ARHGEF10: variants seen among roughly 807,000 people sequenced by gnomAD.
The protein encoded by ARHGEF10 is Rho guanine nucleotide exchange factor 10.
A neutral mutation model predicts 147.4 loss-of-function variants in ARHGEF10; 140 were observed. That is an observed-to-expected ratio of 0.95 (90% CI 0.83 to 1.09). ARHGEF10 has a LOEUF of 1.09. Ranked by LOEUF, ARHGEF10 falls within the 50% of genes least tolerant of loss-of-function variation. The pLI is 0.00. For missense variants in ARHGEF10, 2,222 were observed against 1,752.7 expected (o/e 1.27, Z -4.78); for synonymous variants, 902 against 695.8 (o/e 1.30, Z -4.67).
rs546834310 is a variant in ARHGEF10, at chr8:1,948,803, A to T, written c.3397+3148A>T. Among the ~76,000 whole-genome samples the T allele has an allele frequency of 1.3e-5, 2 of 152,304 alleles. No homozygotes were observed. Among genetic ancestry groups the T allele is most frequent in the South Asian group, 4.1e-4 (2 of 4,824 alleles). ...ATAGAAATAAGCATTATTGCATTTC[A>T]TGCTGTATTTAGACATTCCGGTGGG... is the stretch of plus-strand genomic sequence containing the variant. On this transcript the variant is annotated intron_variant, in intron 27 of 28. Transcript: ENST00000349830. The surrounding 1 kb of genome is among the most constrained non-coding windows in gnomAD (Gnocchi z 4.9).
chr8:1,831,438 G>A (rs1197954368), intron 1 of ARHGEF10, among the ~76,000 whole-genome samples: 2 of 141,096 alleles, frequency 1.4e-5, no homozygotes, highest in Admixed American at 7.0e-5. Context: ...TGTGACATCT[G>A]TGGAGGGACA....
intron 7 of ARHGEF10, chr8:1,870,937 AC>A (rs1421925634): frequency 1.3e-5 from 2 of 151,924 alleles, no homozygotes; most frequent in Non-Finnish European, 2.9e-5. Flanking sequence ...ACATGGTGAA[AC>A]CCCATCTCTA....
chr8:1,860,033 C>T lies in ARHGEF10; in HGVS notation c.330C>T (p.Pro110=), dbSNP rs151043667. 5 of 1,614,142 alleles carry T rather than the reference C, an allele frequency of 3.1e-6. No homozygotes were observed. The highest frequency in any genetic ancestry group is 4.2e-6 in the Non-Finnish European group (5 of 1,180,000). Residue 110 remains proline (P), a synonymous_variant, in exon 4 of 29, where the codon CCC becomes CCT. Coordinates refer to ENST00000349830, the MANE Select transcript of ARHGEF10 (RefSeq NM_014629.4). The stretch of plus-strand genomic sequence containing the variant: ...AGGACCAGCCGCCCACCCCCGTGCC[C>T]AGCGCTGAGGAGGAGAATGTGGGTC... ...FQEDQPPTPV[P]SAEEENVGLH...
At position 1,888,189 on chromosome 8, in the gene ARHGEF10, T is replaced by TTGCGAGGAGACAGTGAGTGTGGTGAGGG. The variant is rs1563233846; in HGVS notation, c.1182+2483_1182+2484insGCGAGGAGACAGTGAGTGTGGTGAGGGT. Among the ~76,000 whole-genome samples the TTGCGAGGAGACAGTGAGTGTGGTGAGGG allele has an allele frequency of 9.4e-5, 3 of 32,034 alleles. 1 individual carries two copies. In the African/African-American group the frequency reaches 1.5e-3, roughly 16 times the overall value. The allele number at this position is 32,034 out of a possible 152,430, so 21.0% of individuals were successfully genotyped here. A position where few individuals can be genotyped will look rare whatever the true frequency, so the allele number is the denominator to read the frequency against. On this transcript the variant is annotated intron_variant, in intron 11 of 28. Coordinates refer to ENST00000349830, the MANE Select transcript of ARHGEF10 (RefSeq NM_014629.4). ...GAGGAGACAGTGAGTGGGGTGAGGG[T>TTGCGAGGAGACAGTGAGTGTGGTGAGGG]TTGCGAGGAGACACTTAGTGGGGCG...
intron 2 of ARHGEF10, among the ~76,000 whole-genome samples, chr8:1,844,182 C>G (rs375198151): frequency 2.6e-5 from 4 of 152,202 alleles, no homozygotes; most frequent in African/African-American, 9.6e-5. Flanking sequence ...TGTGTGGGCT[C>G]CAGGCCCCTT....
intron 13 of ARHGEF10, 105 bp downstream of exon 13, chr8:1,894,677 A>G: frequency 7.6e-7 from 1 of 1,312,746 alleles, no homozygotes; most frequent in Non-Finnish European, 1.1e-6. Context: ...CAAGCTGACA[A>G]GTGTGCAGTT....
chr8:1,936,893 G>A (rs909918273), intron 26 of ARHGEF10, among the ~76,000 whole-genome samples: 16 of 152,120 alleles, frequency 1.1e-4, no homozygotes, highest in Admixed American at 3.3e-4. Context: ...GGCTAATGCC[G>A]TCTTCAGCCA....
chr8:1,876,197 A>C, intron 7 of ARHGEF10: 1 of 301,184 alleles, frequency 3.3e-6, no homozygotes, highest in Non-Finnish European at 6.4e-6. Flanking sequence ...TCTCTGTCTA[A>C]TTTTCAAAAC....
At chr8:1,888,480 A>T (rs1435241707) in intron 11 of ARHGEF10, among the ~76,000 whole-genome samples, 1 of 123,616 alleles carries the variant, frequency 8.1e-6, no homozygotes, top group African/African-American at 3.5e-5. Flanking sequence ...TTGAGGAGAC[A>T]CTGAGTGGGG....
At chr8:1,864,621 G>A (rs1585312233) in intron 5 of ARHGEF10, among the ~76,000 whole-genome samples, 185 bp downstream of exon 5, 2 of 152,238 alleles carry the variant, frequency 1.3e-5, no homozygotes, top group African/African-American at 4.8e-5. Flanking sequence ...GGGTCAGGAC[G>A]AGTGGACTGA....
chr8:1,894,325 G>C, intron 12 of ARHGEF10, 68 bp from the exon 13 acceptor site: 1 of 1,570,308 alleles, frequency 6.4e-7, no homozygotes, highest in Non-Finnish European at 8.7e-7. Flanking sequence ...GCTGCACCCT[G>C]GACAACAAAA....
chr8:1,950,314 C>T (rs1427127862), intron 27 of ARHGEF10, among the ~76,000 whole-genome samples: 1 of 152,168 alleles, frequency 6.6e-6, no homozygotes, highest in Non-Finnish European at 1.5e-5. Context: ...TCACCGCAGC[C>T]TCTGGAATCG....
intron 18 of ARHGEF10, among the ~76,000 whole-genome samples, 170 bp downstream of exon 18, chr8:1,909,640 G>A (rs1315555265): frequency 6.6e-6 from 1 of 152,200 alleles, no homozygotes; most frequent in Non-Finnish European, 1.5e-5. Context: ...GACTAACATG[G>A]CCAAGTCGGC....
chr8:1,882,195 C>T (rs994199745), intron 9 of ARHGEF10, among the ~76,000 whole-genome samples: 4 of 152,226 alleles, frequency 2.6e-5, no homozygotes, highest in Non-Finnish European at 4.4e-5. Context: ...GCGTGTGAGG[C>T]GGCCCTGTCA....
intron 25 of ARHGEF10, among the ~76,000 whole-genome samples, chr8:1,930,864 T>A (rs1051088903): frequency 1.1e-4 from 17 of 152,368 alleles, no homozygotes; most frequent in African/African-American, 3.4e-4. Flanking sequence ...CGCTCCTGTC[T>A]CGTCCCTCAG....
chr8:1,893,331 AT>A (rs1405866775), intron 11 of ARHGEF10, among the ~76,000 whole-genome samples: 1 of 151,790 alleles, frequency 6.6e-6, no homozygotes, highest in Non-Finnish European at 1.5e-5. Flanking sequence ...CAGTGCTGTA[AT>A]TTTTTTTGTC....
At chr8:1,869,555 C>G (rs572422153) in intron 7 of ARHGEF10, 1 of 494,194 alleles carries the variant, frequency 2.0e-6, no homozygotes. Context: ...CAATGTATAT[C>G]GAATAAATGA....
At chr8:1,892,275 CTCTG>C (rs1809592872) in intron 11 of ARHGEF10, among the ~76,000 whole-genome samples, 1 of 93,380 alleles carries the variant, frequency 1.1e-5, no homozygotes, top group Non-Finnish European at 2.1e-5. Flanking sequence ...CAGCTTCTGG[CTCTG>C]TGTGTGTGTG....
chr8:1,930,986 C>G (rs140928199), intron 25 of ARHGEF10, among the ~76,000 whole-genome samples: 1 of 152,262 alleles, frequency 6.6e-6, no homozygotes, highest in African/African-American at 2.4e-5. Context: ...CGGTCTGCAC[C>G]CCCTCTTCAC....
Sources: allele counts gnomAD v4.1 joint callset (sites outside exome capture counted in the v4.1 genomes callset), GRCh38; gene constraint gnomAD v4.1.1; non-coding constraint Gnocchi (gnomAD v3.1); transcripts MANE v1.5; gene names NCBI Gene and HGNC (gene_info 2026-07-23, HGNC 2026-07-21).